BARX2: variants seen among roughly 807,000 people sequenced by gnomAD.
BARX2 encodes homeobox protein BarH-like 2.
BARX2 carries 11 observed loss-of-function variants against 25.5 expected under a neutral mutation model. The observed-to-expected ratio is 0.43, with a 90% CI of 0.27 to 0.71. The LOEUF (loss-of-function observed/expected upper bound fraction) is 0.71, where lower values mean the gene tolerates loss of function less well. Among genes scored for constraint, BARX2 ranks in the 30% least tolerant of loss-of-function variants. The pLI, the probability that BARX2 is intolerant of heterozygous loss-of-function variation, is 0.19. For synonymous variants in BARX2, 137 were observed against 149.5 expected (o/e 0.92, Z 0.61); for missense variants, 360 against 359.9 (o/e 1.00, Z 0.00).
At chr11:129,395,416 C>G (rs1493534) in intron 1 of BARX2, among the ~76,000 whole-genome samples, 48 of 152,242 alleles carry the variant, frequency 3.2e-4, no homozygotes, top group Non-Finnish European at 5.7e-4. Context: ...TCCACAAACT[C>G]TCCTGAGGGT....
chr11:129,449,100 A>T (rs1218947131), intron 3 of BARX2, among the ~76,000 whole-genome samples: 1 of 152,214 alleles, frequency 6.6e-6, no homozygotes, highest in African/African-American at 2.4e-5. Context: ...TTTTGGGGTG[A>T]TAGAAGTGTT....
At chr11:129,402,805 A>G (rs1199929734) in intron 1 of BARX2, among the ~76,000 whole-genome samples, 2 of 152,230 alleles carry the variant, frequency 1.3e-5, no homozygotes, top group African/African-American at 4.8e-5. Flanking sequence ...TAAGCTATGG[A>G]AGATGCCATT....
intron 1 of BARX2, among the ~76,000 whole-genome samples, chr11:129,411,745 G>C (rs144833373): frequency 6.6e-6 from 1 of 152,186 alleles, no homozygotes; most frequent in Non-Finnish European, 1.5e-5. Context: ...CACCAGGCCC[G>C]GCCACAGGCC....
intron 1 of BARX2, among the ~76,000 whole-genome samples, chr11:129,387,969 T>C (rs985593027): frequency 1.1e-4 from 17 of 152,178 alleles, no homozygotes; most frequent in Admixed American, 6.5e-5. Flanking sequence ...GTCACACGAA[T>C]AAGTGGCAGG....
At chr11:129,402,264 T>C (rs746743376) in intron 1 of BARX2, among the ~76,000 whole-genome samples, 4 of 152,062 alleles carry the variant, frequency 2.6e-5, no homozygotes, top group Non-Finnish European at 5.9e-5. Flanking sequence ...AGTCCCTTAC[T>C]TCTTAGCATG....
intron 1 of BARX2, among the ~76,000 whole-genome samples, chr11:129,427,221 G>C (rs1862073998): frequency 6.6e-6 from 1 of 152,162 alleles, no homozygotes; most frequent in African/African-American, 2.4e-5. Flanking sequence ...CCAGGAGGGA[G>C]AACTGTTATT....
At position 129,375,912 on chromosome 11, in the gene BARX2, C is replaced by T. The variant is rs1260142464; in HGVS notation, c.-124C>T. ...CGCTCTCCTCCGCGCGCCACCCGAGCCCCGCCGCCTCCCCAGCTGCCGGGA... is the reference window on the plus strand; with the variant it reads ...CGCTCTCCTCCGCGCGCCACCCGAGTCCCGCCGCCTCCCCAGCTGCCGGGA... On this transcript the variant is annotated 5_prime_UTR_variant, in exon 1 of 4. Coordinates refer to ENST00000281437, the MANE Select transcript of BARX2 (RefSeq NM_003658.5). The surrounding 1 kb of genome is among the most constrained non-coding windows in gnomAD (Gnocchi z 4.0). 13 of 455,294 alleles carry T rather than the reference C, an allele frequency of 2.9e-5. No homozygotes were observed. Among genetic ancestry groups the T allele is most frequent in the Non-Finnish European group, 3.5e-5 (12 of 345,820 alleles). 28.2% of individuals were successfully genotyped at this position (455,294 alleles called of 1,614,324 possible).
chr11:129,441,985 TG>T (rs1308052932), intron 2 of BARX2, among the ~76,000 whole-genome samples: 1 of 152,142 alleles, frequency 6.6e-6, no homozygotes, highest in Non-Finnish European at 1.5e-5. Flanking sequence ...GCCCCAGAAA[TG>T]GCTTTGACTT....
intron 1 of BARX2, among the ~76,000 whole-genome samples, chr11:129,386,789 T>A (rs1382044175): frequency 6.6e-6 from 1 of 152,246 alleles, no homozygotes; most frequent in Non-Finnish European, 1.5e-5. Context: ...TCTTTCTGTG[T>A]CCTTCCAAAG....
chr11:129,387,856 A>G (rs911415421), intron 1 of BARX2, among the ~76,000 whole-genome samples: 4 of 152,186 alleles, frequency 2.6e-5, no homozygotes, highest in Non-Finnish European at 4.4e-5. Flanking sequence ...GCACTGTGCT[A>G]GGTGCTTGTA....
chr11:129,411,897 T>C (rs752720311), intron 1 of BARX2, among the ~76,000 whole-genome samples: 5 of 152,256 alleles, frequency 3.3e-5, no homozygotes, highest in African/African-American at 4.8e-5. Context: ...ATAGGACTCC[T>C]GTCCTTTCGA....
chr11:129,446,648 A>G (rs1862333086), intron 3 of BARX2, among the ~76,000 whole-genome samples: 1 of 152,162 alleles, frequency 6.6e-6, no homozygotes, highest in Admixed American at 6.5e-5. Context: ...CCAAAAGTGA[A>G]TTCTATGAGT....
chr11:129,440,487 C>T (rs554615224), intron 2 of BARX2, among the ~76,000 whole-genome samples: 5 of 152,314 alleles, frequency 3.3e-5, no homozygotes, highest in East Asian at 1.9e-4. Flanking sequence ...TCTCAATGAG[C>T]GACTGCTTGG....
intron 1 of BARX2, among the ~76,000 whole-genome samples, chr11:129,426,681 T>C (rs1862067433): frequency 6.6e-6 from 1 of 152,222 alleles, no homozygotes; most frequent in African/African-American, 2.4e-5. Context: ...CTGGCCCCGC[T>C]GCCTGCAGTT....
chr11:129,377,701 A>G (rs1165548797), intron 1 of BARX2, among the ~76,000 whole-genome samples: 1 of 152,200 alleles, frequency 6.6e-6, no homozygotes, highest in Non-Finnish European at 1.5e-5. Context: ...CTTTGTTATA[A>G]TAACTCAATT....
At chr11:129,393,122 A>T (rs556104824) in intron 1 of BARX2, among the ~76,000 whole-genome samples, 3 of 152,034 alleles carry the variant, frequency 2.0e-5, no homozygotes, top group African/African-American at 4.8e-5. Flanking sequence ...AATAAAAATT[A>T]AAAAAAATTA....
intron 3 of BARX2, among the ~76,000 whole-genome samples, chr11:129,444,587 GA>G (rs1378561626): frequency 6.6e-6 from 1 of 152,214 alleles, no homozygotes; most frequent in African/African-American, 2.4e-5. Context: ...TGTAGTCAGA[GA>G]AACAAGGCCC....
At chr11:129,394,935 AT>A (rs33959182) in intron 1 of BARX2, among the ~76,000 whole-genome samples, 27 of 144,782 alleles carry the variant, frequency 1.9e-4, no homozygotes, top group Admixed American at 2.1e-4. Context: ...TCCACTCAGC[AT>A]TTTTTTTTTT....
chr11:129,389,079 G>C (rs1043878523), intron 1 of BARX2, among the ~76,000 whole-genome samples: 6 of 151,312 alleles, frequency 4.0e-5, no homozygotes, highest in Non-Finnish European at 7.4e-5. Flanking sequence ...TCTATGACAC[G>C]TAATTTCCTC....
Sources: allele counts gnomAD v4.1 joint callset (sites outside exome capture counted in the v4.1 genomes callset), GRCh38; gene constraint gnomAD v4.1.1; non-coding constraint Gnocchi (gnomAD v3.1); transcripts MANE v1.5; gene names NCBI Gene and HGNC (gene_info 2026-07-23, HGNC 2026-07-21).